The following CSMD1 variants were observed in gnomAD, a reference collection of about 807,000 sequenced individuals.
The protein encoded by CSMD1 is CUB and sushi domain-containing protein 1.
CSMD1 carries 213 observed loss-of-function variants against 417.5 expected under a neutral mutation model. The observed-to-expected ratio is 0.51, with a 90% CI of 0.46 to 0.57. The LOEUF is 0.57. Ranked by LOEUF, CSMD1 falls within the 20% of genes least tolerant of loss-of-function variation. The pLI, the probability that CSMD1 is intolerant of heterozygous loss-of-function variation, is 0.00. For synonymous variants in CSMD1, 2,862 were observed against 1,736.8 expected (o/e 1.65, Z -16.11); for missense variants, 6,923 against 4,529.7 (o/e 1.53, Z -15.17).
intron 3 of CSMD1, among the ~76,000 whole-genome samples, chr8:4,400,297 G>A (rs1372152383): frequency 6.6e-6 from 1 of 152,126 alleles, no homozygotes; most frequent in East Asian, 1.9e-4. Flanking sequence ...CTAGCAAATG[G>A]GATTTCGCAG....
intron 45 of CSMD1, among the ~76,000 whole-genome samples, chr8:3,107,466 C>T (rs1816223350): frequency 1.3e-5 from 2 of 151,928 alleles, no homozygotes; most frequent in African/African-American, 4.8e-5. Flanking sequence ...AAAAAATGTT[C>T]AAACTGACAT....
chr8:2,987,716 A>G (rs965679929), intron 54 of CSMD1, among the ~76,000 whole-genome samples: 2 of 152,190 alleles, frequency 1.3e-5, no homozygotes, highest in African/African-American at 4.8e-5. Context: ...CGGGTTCATC[A>G]CCGTTTCCCT....
chr8:3,754,084 A>G (rs2129053877), intron 5 of CSMD1, 42 bp from the exon 6 acceptor site: 1 of 1,365,890 alleles, frequency 7.3e-7, no homozygotes. Context: ...TTGTAAACCA[A>G]CAGAGCAAAT....
chr8:3,333,289 C>T (rs1305940374), intron 23 of CSMD1, among the ~76,000 whole-genome samples: 2 of 152,038 alleles, frequency 1.3e-5, no homozygotes, highest in African/African-American at 2.4e-5. Context: ...AGATAAGAAA[C>T]GGTGCTGTTT....
chr8:3,773,980 C>T (rs927468790), intron 5 of CSMD1, among the ~76,000 whole-genome samples: 1 of 152,176 alleles, frequency 6.6e-6, no homozygotes, highest in Non-Finnish European at 1.5e-5. Flanking sequence ...AACCCTGCAT[C>T]TATTTGCTCT....
intron 5 of CSMD1, among the ~76,000 whole-genome samples, chr8:3,907,465 G>A (rs1260038460): frequency 6.6e-6 from 1 of 152,122 alleles, no homozygotes; most frequent in Non-Finnish European, 1.5e-5. Context: ...TACACTTTAA[G>A]GCAGTATGGT....
chr8:3,951,730 G>T (rs930264588), intron 5 of CSMD1, among the ~76,000 whole-genome samples: 4 of 152,182 alleles, frequency 2.6e-5, no homozygotes, highest in Non-Finnish European at 5.9e-5. Flanking sequence ...TTAACAACAT[G>T]GGGGGCATTA....
At chr8:4,739,254 A>T (rs534602033) in intron 1 of CSMD1, among the ~76,000 whole-genome samples, 2 of 152,318 alleles carry the variant, frequency 1.3e-5, no homozygotes, top group Admixed American at 1.3e-4. Context: ...AGCTCTGTAA[A>T]TATAGCAATG....
At chr8:3,974,378 A>C (rs1236409729) in intron 5 of CSMD1, among the ~76,000 whole-genome samples, 1 of 152,042 alleles carries the variant, frequency 6.6e-6, no homozygotes, top group Non-Finnish European at 1.5e-5. Flanking sequence ...AGCTTTTAAA[A>C]GAAGGAGGAA....
chr8:4,247,331 C>T (rs73498575), intron 3 of CSMD1, among the ~76,000 whole-genome samples: 1 of 152,014 alleles, frequency 6.6e-6, no homozygotes, highest in Non-Finnish European at 1.5e-5. Context: ...CCTGTCATAC[C>T]ACATAGAGTG....
At chr8:3,462,715 C>T (rs146071598) in intron 12 of CSMD1, among the ~76,000 whole-genome samples, 6 of 152,132 alleles carry the variant, frequency 3.9e-5, no homozygotes, top group Admixed American at 3.9e-4. Flanking sequence ...ACTTCAGTCA[C>T]CCTGAAATCA....
At chr8:4,923,163 T>C (rs1234082922) in intron 1 of CSMD1, among the ~76,000 whole-genome samples, 1 of 152,162 alleles carries the variant, frequency 6.6e-6, no homozygotes, top group Non-Finnish European at 1.5e-5. Flanking sequence ...TACCATCAAT[T>C]TTTCAGTTTT....
intron 5 of CSMD1, among the ~76,000 whole-genome samples, chr8:3,780,856 T>C (rs151169346): frequency 9.8e-4 from 149 of 152,346 alleles, no homozygotes; most frequent in African/African-American, 3.5e-3. Context: ...TCTCTGCTTA[T>C]TGGATATTTT....
At chr8:3,095,305 C>G (rs1815222433) in intron 47 of CSMD1, among the ~76,000 whole-genome samples, 1 of 152,056 alleles carries the variant, frequency 6.6e-6, no homozygotes, top group Non-Finnish European at 1.5e-5. Context: ...TTGCATAATA[C>G]CTAATAGGCC....
At chr8:2,984,511 G>C (rs1192715314) in intron 54 of CSMD1, among the ~76,000 whole-genome samples, 1 of 152,102 alleles carries the variant, frequency 6.6e-6, no homozygotes, top group Non-Finnish European at 1.5e-5. Context: ...ACCATGCTCG[G>C]CTAATTTTTG....
chr8:3,784,204 C>A (rs925630378), intron 5 of CSMD1, among the ~76,000 whole-genome samples: 2 of 152,056 alleles, frequency 1.3e-5, no homozygotes, highest in Non-Finnish European at 2.9e-5. Context: ...GGGGTGGGTA[C>A]CCAATAAATA....
rs1809157638 is a variant in CSMD1, at chr8:3,019,414, G to A, written c.7856-764C>T. On this transcript the variant is annotated intron_variant, in intron 51 of 69. Transcript: ENST00000635120. ...GCCTCAGGAGCCTATCAGGAAATAA[G>A]GAATACCAATTTTCTTCACCAAAGC... Among the ~76,000 whole-genome samples the A allele has an allele frequency of 2.0e-5, 3 of 152,186 alleles. No individual in the cohort carries two copies. In the South Asian group the frequency reaches 6.2e-4, roughly 32 times the overall value.
intron 26 of CSMD1, among the ~76,000 whole-genome samples, chr8:3,232,152 C>T (rs1227852701): frequency 6.6e-6 from 1 of 152,186 alleles, no homozygotes; most frequent in East Asian, 1.9e-4. Context: ...TCCTCCACTT[C>T]AGGGGAAGTC....
rs78484816 is a variant in CSMD1, at chr8:4,644,708, G to A, written c.86-7150C>T. ...ACAGGTGTGAGCCACCATGCCTGGC[G>A]CCTACACTATTGTATTCCCTTATAG... On this transcript the variant is annotated intron_variant, in intron 1 of 69. Coordinates refer to ENST00000635120, the MANE Select transcript of CSMD1 (RefSeq NM_033225.6). Among the ~76,000 whole-genome samples the A allele has an allele frequency of 4.9e-3, 748 of 152,274 alleles. 35 individuals carry two copies. In the East Asian group the frequency reaches 0.094, roughly 19 times the overall value.
Sources: allele counts gnomAD v4.1 joint callset (sites outside exome capture counted in the v4.1 genomes callset), GRCh38; gene constraint gnomAD v4.1.1; transcripts MANE v1.5; gene names NCBI Gene and HGNC (gene_info 2026-07-23, HGNC 2026-07-21).